The following GCH1 variants were observed in gnomAD, a reference collection of about 807,000 sequenced individuals.
GCH1 encodes GTP cyclohydrolase 1.
In GCH1, 5 loss-of-function variants were observed where a neutral mutation model predicts 25.9. That is an observed-to-expected ratio of 0.19 (90% CI 0.10 to 0.41). The LOEUF is 0.41. Ranked by LOEUF, GCH1 falls within the 10% of genes least tolerant of loss-of-function variation. The pLI is 1.00. For missense variants in GCH1, 261 were observed against 336.5 expected (o/e 0.78, Z 1.75); for synonymous variants, 159 against 129.6 (o/e 1.23, Z -1.54).
At chr14:54,861,559 C>T (rs1010993351) in intron 2 of GCH1, among the ~76,000 whole-genome samples, 2 of 151,856 alleles carry the variant, frequency 1.3e-5, no homozygotes, top group Non-Finnish European at 1.5e-5. Context: ...CCCATCTCTA[C>T]TAAAAATACA....
intron 1 of GCH1, among the ~76,000 whole-genome samples, chr14:54,896,800 A>G (rs920223340): frequency 4.6e-5 from 7 of 151,172 alleles, no homozygotes; most frequent in Non-Finnish European, 7.4e-5. Flanking sequence ...GGCGCCTGTA[A>G]TCCCAGCTAC....
Position 54,846,412 on chromosome 14 carries a change from G to C in GCH1, c.542-560C>G, listed in dbSNP as rs144885388. On this transcript the variant is annotated intron_variant, in intron 4 of 5. Transcript: ENST00000491895. ...CCCAGTATCTATCAGAGCTGGTATA[G>C]GTTACGCCAAGCCATGGCATATACG... Among the ~76,000 whole-genome samples, 604 of 152,318 alleles carry C rather than the reference G, an allele frequency of 4.0e-3. 9 individuals are homozygous for C. Among genetic ancestry groups the C allele is most frequent in the Admixed American group, 0.029 (450 of 15,300 alleles).
At chr14:54,887,793 T>G (rs1226397642) in intron 1 of GCH1, among the ~76,000 whole-genome samples, 1 of 152,236 alleles carries the variant, frequency 6.6e-6, no homozygotes, top group Admixed American at 6.5e-5. Flanking sequence ...TGGCAGAATG[T>G]TAGTTTTCAA....
At position 54,843,035 on chromosome 14, in the gene GCH1, G is replaced by A. The variant is rs756091241; in HGVS notation, c.*982C>T. 1.1e-6 allele frequency: 1 copy of A among 904,700 alleles called. No individual in the cohort carries two copies. Among genetic ancestry groups the A allele is most frequent in the Non-Finnish European group, 1.9e-6 (1 of 533,138 alleles). 56.0% of individuals were successfully genotyped at this position (904,700 alleles called of 1,614,324 possible). A position where few individuals can be genotyped will look rare whatever the true frequency, so the allele number is the denominator to read the frequency against. The stretch of plus-strand genomic sequence containing the variant: ...CATTCTGTGCTCGTTCAGGTGCGTG[G>A]AAGCTATGGTTCTGCAGACCTGAAA... On this transcript the variant is annotated 3_prime_UTR_variant, in exon 6 of 6. Coordinates refer to ENST00000491895, the MANE Select transcript of GCH1 (RefSeq NM_000161.3).
Position 54,843,254 on chromosome 14 carries a change from T to C in GCH1, c.*763A>G. ...CTAAGTCTCATAAAATAATGGCTTT[T>C]TTAAAAAGGCAAAAGTATCTACACT... On this transcript the variant is annotated 3_prime_UTR_variant, in exon 6 of 6. Coordinates refer to ENST00000491895, the MANE Select transcript of GCH1 (RefSeq NM_000161.3). The C allele has an allele frequency of 1.4e-6, 2 of 1,388,468 alleles. No individual in the cohort carries two copies. Among genetic ancestry groups the C allele is most frequent in the African/African-American group, 1.5e-5 (1 of 68,664 alleles). The allele number at this position is 1,388,468 out of a possible 1,614,324, so 86.0% of individuals were successfully genotyped here.
intron 5 of GCH1, among the ~76,000 whole-genome samples, chr14:54,845,479 A>G (rs2039628551): frequency 6.7e-6 from 1 of 148,800 alleles, no homozygotes; most frequent in African/African-American, 2.4e-5. Context: ...CTCCATCTCA[A>G]AAAAAAAAAA....
chr14:54,854,411 C>T (rs749288963), intron 3 of GCH1, among the ~76,000 whole-genome samples: 4 of 152,084 alleles, frequency 2.6e-5, no homozygotes, highest in African/African-American at 4.8e-5. Context: ...CTGCACCTGC[C>T]GGGCAGTGAG....
intron 3 of GCH1, among the ~76,000 whole-genome samples, chr14:54,848,527 G>C (rs1277621473): frequency 6.6e-6 from 1 of 152,128 alleles, no homozygotes; most frequent in Non-Finnish European, 1.5e-5. Context: ...TTCACACTGA[G>C]GACCTTTTCT....
intron 4 of GCH1, 113 bp from the exon 5 acceptor site, chr14:54,845,965 G>C: frequency 1.3e-6 from 1 of 745,532 alleles, no homozygotes; most frequent in Non-Finnish European, 2.5e-6. Context: ...AGATTTAAGA[G>C]CCAAGACACA....
chr14:54,897,504 G>A (rs963138475), intron 1 of GCH1, among the ~76,000 whole-genome samples: 3 of 151,766 alleles, frequency 2.0e-5, no homozygotes, highest in African/African-American at 7.3e-5. Flanking sequence ...AGTCAGGTTG[G>A]TCTCGAACTC....
At chr14:54,854,884 T>C (rs1386635335) in intron 3 of GCH1, among the ~76,000 whole-genome samples, 1 of 152,228 alleles carries the variant, frequency 6.6e-6, no homozygotes, top group African/African-American at 2.4e-5. Flanking sequence ...CTTACCTATG[T>C]ATCTATTTAT....
chr14:54,897,004 C>CTTTTTTTT (rs1264967638), intron 1 of GCH1, among the ~76,000 whole-genome samples: 19 of 115,948 alleles, frequency 1.6e-4, no homozygotes, highest in African/African-American at 4.3e-4. Flanking sequence ...TTCTACTCCA[C>CTTTTTTTT]TTTTTGTTTT....
At chr14:54,880,518 CAT>C (rs200255096) in intron 1 of GCH1, among the ~76,000 whole-genome samples, 1,583 of 29,004 alleles carry the variant, frequency 0.055, 223 homozygotes, top group South Asian at 0.074. Context: ...ATATATACTC[CAT>C]ATATATATAT....
intron 3 of GCH1, among the ~76,000 whole-genome samples, chr14:54,851,170 T>A (rs1594975258): frequency 6.6e-6 from 1 of 152,220 alleles, no homozygotes; most frequent in East Asian, 1.9e-4. Context: ...CCTAGCCATA[T>A]GTAGAAAGCT....
rs149318452 is a variant in GCH1, at chr14:54,860,473, A to G, written c.454-737T>C. Among the ~76,000 whole-genome samples the G allele has an allele frequency of 4.3e-3, 658 of 151,724 alleles. 2 individuals carry two copies. The highest frequency in any genetic ancestry group is 0.015 in the African/African-American group (615 of 41,354). The stretch of plus-strand genomic sequence containing the variant: ...CCACCGCAAAGCCCTGCAGCACAGA[A>G]GGTCTCCACACCCTTTTGTGCTTGG... On this transcript the variant is annotated intron_variant, in intron 2 of 5. Transcript: ENST00000491895.
intron 3 of GCH1, among the ~76,000 whole-genome samples, chr14:54,854,665 T>C (rs2039782058): frequency 6.6e-6 from 1 of 152,196 alleles, no homozygotes; most frequent in Non-Finnish European, 1.5e-5. Context: ...CATTCAGAGC[T>C]TGTGCAAACC....
At chr14:54,869,784 A>G (rs980159242) in intron 1 of GCH1, among the ~76,000 whole-genome samples, 1 of 152,206 alleles carries the variant, frequency 6.6e-6, no homozygotes, top group African/African-American at 2.4e-5. Flanking sequence ...CTGGCCCAAT[A>G]AAAAGTTTTC....
rs2039592141 is a variant in GCH1 at position 54,843,549 on chromosome 14, G to A, written c.*468C>T. 2 of 1,360,598 alleles carry A rather than the reference G, an allele frequency of 1.5e-6. No individual in the cohort carries two copies. Among genetic ancestry groups the A allele is most frequent in the African/African-American group, 1.5e-5 (1 of 68,038 alleles). 84.3% of individuals were successfully genotyped at this position (1,360,598 alleles called of 1,614,324 possible). A position where few individuals can be genotyped will look rare whatever the true frequency, so the allele number is the denominator to read the frequency against. ...AATAAACATGACCAAAGTGAAGTCT[G>A]TTGAACTTGAATTCACAGAGCAATA... is the stretch of plus-strand genomic sequence containing the variant. On this transcript the variant is annotated 3_prime_UTR_variant, in exon 6 of 6. Transcript: ENST00000491895.
Position 54,902,402 on chromosome 14 carries a change from G to T in GCH1, c.262C>A (p.Arg88=), listed in dbSNP as rs104894433. Residue 88 remains arginine, a synonymous_variant, in exon 1 of 6, where the codon CGG becomes AGG. Coordinates refer to ENST00000491895, the MANE Select transcript of GCH1 (RefSeq NM_000161.3). ...CAGGGCGTCTTGAGCAGCCCTTGCC[G>T]CTGGGGGTTCTCGCCCAGCGAGCTC... The part of the protein sequence containing the change: ...ILSSLGENPQ[R]QGLLKTPWRA... The T allele has an allele frequency of 1.2e-6, 2 of 1,613,144 alleles. No individual in the cohort carries two copies.
Sources: gnomAD v4.1 joint callset for allele counts (sites outside exome capture counted in the v4.1 genomes callset) on GRCh38, gnomAD v4.1.1 for gene constraint, MANE v1.5 for transcripts, NCBI Gene and HGNC (gene_info 2026-07-23, HGNC 2026-07-21) for gene names.